ROS1: variants seen among roughly 807,000 people sequenced by gnomAD.
ROS1 encodes the protein proto-oncogene tyrosine-protein kinase ROS.
Under a neutral mutation model 273.5 loss-of-function variants are expected in ROS1, and 263 were observed. That is an observed-to-expected ratio of 0.96 (90% CI 0.87 to 1.06). ROS1 has a LOEUF of 1.06. ROS1 is among the 50% of genes least tolerant of loss of function. The pLI, the probability that ROS1 is intolerant of heterozygous loss-of-function variation, is 0.00. For synonymous variants in ROS1, 1,008 were observed against 954.1 expected (o/e 1.06, Z -1.04); for missense variants, 2,833 against 2,751.1 (o/e 1.03, Z -0.67).
chr6:117,368,498 ATC>A (rs1271044961), intron 18 of ROS1, among the ~76,000 whole-genome samples: 1 of 152,196 alleles, frequency 6.6e-6, no homozygotes, highest in East Asian at 1.9e-4. Flanking sequence ...AGTGACAGCA[ATC>A]AGTTTATCTC....
intron 18 of ROS1, among the ~76,000 whole-genome samples, chr6:117,370,997 G>C (rs1266745070): frequency 1.3e-5 from 2 of 152,116 alleles, no homozygotes; most frequent in East Asian, 1.9e-4. Context: ...GTGTAAAAAA[G>C]CAACATCCTG....
Position 117,389,748 on chromosome 6 carries a change from G to T in ROS1, c.1388C>A (p.Thr463Lys). 1 of 1,614,074 alleles carries T rather than the reference G, an allele frequency of 6.2e-7. No homozygotes were observed. Among genetic ancestry groups the T allele is most frequent in the South Asian group, 1.1e-5 (1 of 91,076 alleles). Residue 463 changes from threonine (T) to lysine (K), a missense_variant, in exon 13 of 44, where the codon ACG (threonine) becomes AAG (lysine). By Grantham distance (78) the Thr-to-Lys change is moderately conservative (BLOSUM62 -1). Transcript: ENST00000368507. ...TGGCTTGATTGCAAAGTCCTTTAAC[G>T]TGCAACTCTCCACAATACGCACAGC... ...AEAVRIVESC[T>K]LKDFAIKPQA...
At position 117,394,200 on chromosome 6, in the gene ROS1, A is replaced by G. The variant is rs773134065; in HGVS notation, c.1153T>C (p.Trp385Arg). The G allele has an allele frequency of 1.3e-6, 2 of 1,599,178 alleles. No individual in the cohort carries two copies. Among genetic ancestry groups the G allele is most frequent in the Admixed American group, 1.7e-5 (1 of 57,468 alleles). Residue 385 changes from tryptophan to arginine, a missense_variant, in exon 11 of 44, where the codon TGG becomes CGG. Coordinates refer to ENST00000368507, the MANE Select transcript of ROS1 (RefSeq NM_001378902.1). ...SGLISSISIDWLYQRMYFIMD... is the reference protein window; with the variant it reads ...SGLISSISIDRLYQRMYFIMD... Reference sequence around the variant, plus strand: ...ATGAAATACATTCTTTGATAAAGCCAATCTATGGAGATAGAAGAAATTAAT... The same window carrying G: ...ATGAAATACATTCTTTGATAAAGCCGATCTATGGAGATAGAAGAAATTAAT...
intron 39 of ROS1, among the ~76,000 whole-genome samples, chr6:117,311,371 G>C (rs1430635391): frequency 6.6e-6 from 1 of 152,078 alleles, no homozygotes; most frequent in African/African-American, 2.4e-5. Flanking sequence ...TTATTGGAAA[G>C]ACCTCCAGGT....
intron 35 of ROS1, among the ~76,000 whole-genome samples, chr6:117,322,605 T>C (rs1562270518): frequency 6.6e-6 from 1 of 152,228 alleles, no homozygotes; most frequent in East Asian, 1.9e-4. Context: ...TAGATATGAC[T>C]GCTCAGAAGC....
chr6:117,291,753 T>A (rs1160001092), intron 43 of ROS1, among the ~76,000 whole-genome samples: 1 of 152,210 alleles, frequency 6.6e-6, no homozygotes, highest in Non-Finnish European at 1.5e-5. Context: ...GCTACTATTC[T>A]AATTAAAAGC....
chr6:117,377,964 A>C (rs1011627796), intron 18 of ROS1, among the ~76,000 whole-genome samples: 2 of 152,222 alleles, frequency 1.3e-5, no homozygotes, highest in African/African-American at 4.8e-5. Flanking sequence ...AGTGCTGGTT[A>C]AAATCACAAT....
intron 6 of ROS1, 130 bp downstream of exon 6, chr6:117,404,150 G>A: frequency 1.2e-6 from 1 of 812,082 alleles, no homozygotes; most frequent in African/African-American, 1.8e-5. Flanking sequence ...GAACCCAAGA[G>A]GCGGAGCTTG....
chr6:117,316,684 G>A (rs892650633), intron 39 of ROS1, among the ~76,000 whole-genome samples: 8 of 151,764 alleles, frequency 5.3e-5, no homozygotes, highest in Non-Finnish European at 8.8e-5. Context: ...GAGGACGTAC[G>A]AAATCAAGAG....
intron 32 of ROS1, among the ~76,000 whole-genome samples, chr6:117,330,466 G>A (rs1295093156): frequency 2.0e-5 from 3 of 152,182 alleles, no homozygotes; most frequent in African/African-American, 7.2e-5. Context: ...CTCCACCAGG[G>A]GACAAAGTGC....
At chr6:117,403,911 C>T (rs1162356747) in intron 6 of ROS1, among the ~76,000 whole-genome samples, 2 of 152,108 alleles carry the variant, frequency 1.3e-5, no homozygotes, top group Non-Finnish European at 2.9e-5. Context: ...TTCTAGAAGG[C>T]CTTTACGCTT....
chr6:117,322,394 G>A (rs1483275222), intron 35 of ROS1, among the ~76,000 whole-genome samples: 2 of 152,044 alleles, frequency 1.3e-5, no homozygotes, highest in African/African-American at 4.8e-5. Flanking sequence ...GCGCCTCTCT[G>A]TGAGTGCTTA....
chr6:117,341,701 G>T, intron 29 of ROS1, 69 bp from the exon 30 acceptor site: 1 of 1,220,384 alleles, frequency 8.2e-7, no homozygotes, highest in Non-Finnish European at 1.2e-6. Context: ...AAGTAATGGA[G>T]TTTGGGTTGA....
At chr6:117,342,309 G>A (rs373693415) in intron 29 of ROS1, 91 bp downstream of exon 29, 31 of 1,227,378 alleles carry the variant, frequency 2.5e-5, no homozygotes, top group Non-Finnish European at 3.0e-5. Flanking sequence ...AAATTACTTC[G>A]CATTCAGATT....
Position 117,379,152 on chromosome 6 carries a change from G to A in ROS1, c.2489C>T (p.Ala830Val). The A allele has an allele frequency of 6.2e-7, 1 of 1,604,992 alleles. No individual in the cohort carries two copies. Among genetic ancestry groups the A allele is most frequent in the Non-Finnish European group, 8.5e-7 (1 of 1,172,538 alleles). Residue 830 changes from alanine (A) to valine (V), a missense_variant, in exon 18 of 44, where the codon GCT becomes GTT. Physicochemically the swap from Ala to Val is moderately conservative, Grantham distance 64 (BLOSUM62 0). Transcript: ENST00000368507. ...CCCATCACTGAGGTCTAAAGTTAGA[G>A]CAATTACCTAAGTAGAAAGTAAGGT... The part of the protein sequence containing the change: ...QPWFSGKKVI[A>V]LTLDLSDGLL...
intron 31 of ROS1, among the ~76,000 whole-genome samples, chr6:117,339,336 A>C (rs75512895): frequency 6.6e-6 from 1 of 152,162 alleles, no homozygotes; most frequent in African/African-American, 2.4e-5. Context: ...TCGAAACTTC[A>C]TCTTGTGCTC....
intron 7 of ROS1, among the ~76,000 whole-genome samples, chr6:117,401,708 T>C (rs1031215932): frequency 2.0e-5 from 3 of 150,618 alleles, no homozygotes; most frequent in East Asian, 2.0e-4. Flanking sequence ...TGGTATATAA[T>C]AGTCCTTGAT....
chr6:117,396,507 C>T (rs1283593280), intron 8 of ROS1, among the ~76,000 whole-genome samples: 1 of 152,108 alleles, frequency 6.6e-6, no homozygotes, highest in Non-Finnish European at 1.5e-5. Context: ...GACCCCCATT[C>T]TTCTCCGAAT....
intron 36 of ROS1, 63 bp downstream of exon 36, chr6:117,321,196 A>T: frequency 6.4e-7 from 1 of 1,551,086 alleles, no homozygotes; most frequent in Non-Finnish European, 8.7e-7. Context: ...ATTCATAGGC[A>T]CTCTCCTTAC....
Sources: gnomAD v4.1 joint callset for allele counts (sites outside exome capture counted in the v4.1 genomes callset) on GRCh38, gnomAD v4.1.1 for gene constraint, MANE v1.5 for transcripts, NCBI Gene and HGNC (gene_info 2026-07-23, HGNC 2026-07-21) for gene names.